Variants in PAM observed in about 807,000 individuals in gnomAD.
PAM encodes the protein peptidyl-glycine alpha-amidating monooxygenase.
A neutral mutation model predicts 122.1 loss-of-function variants in PAM; 72 were observed. That is an observed-to-expected ratio of 0.59 (90% CI 0.49 to 0.72). The LOEUF (loss-of-function observed/expected upper bound fraction) is 0.72. PAM is among the 30% of genes least tolerant of loss of function. PAM has a pLI of 0.00. For synonymous variants in PAM, 389 were observed against 404.4 expected (o/e 0.96, Z 0.46); for missense variants, 1,106 against 1,183.7 (o/e 0.93, Z 0.96).
At chr5:102,909,745 T>TA (rs990276597) in intron 4 of PAM, among the ~76,000 whole-genome samples, 2 of 151,822 alleles carry the variant, frequency 1.3e-5, no homozygotes, top group African/African-American at 4.8e-5. Flanking sequence ...TAATAACATG[T>TA]AAAAATACCC....
chr5:102,795,954 A>AT (rs939366412), intron 1 of PAM, among the ~76,000 whole-genome samples: 2 of 151,872 alleles, frequency 1.3e-5, no homozygotes, highest in African/African-American at 2.4e-5. Flanking sequence ...ACCATGAGTT[A>AT]TTTTTTTTAG....
At chr5:102,871,134 G>A (rs764344432) in intron 3 of PAM, among the ~76,000 whole-genome samples, 29 of 152,168 alleles carry the variant, frequency 1.9e-4, no homozygotes, top group Non-Finnish European at 3.1e-4. Context: ...TCTGGCCTCA[G>A]CTCTTGCAGT....
chr5:102,792,810 G>A (rs77747741), intron 1 of PAM, among the ~76,000 whole-genome samples: 1,635 of 152,272 alleles, frequency 0.011, 17 homozygotes, highest in African/African-American at 0.033. Flanking sequence ...AGTTATTATG[G>A]TGGTCTCTTA....
intron 1 of PAM, among the ~76,000 whole-genome samples, chr5:102,818,584 C>T (rs1273302594): frequency 6.6e-6 from 1 of 152,116 alleles, no homozygotes; most frequent in African/African-American, 2.4e-5. Flanking sequence ...TGTCTTTGCT[C>T]AGGATGTCCT....
At chr5:102,931,279 T>C (rs1751425152) in intron 7 of PAM, among the ~76,000 whole-genome samples, 1 of 152,170 alleles carries the variant, frequency 6.6e-6, no homozygotes, top group African/African-American at 2.4e-5. Flanking sequence ...CCAGTAGAAG[T>C]TTCCTAGTTA....
chr5:102,867,492 G>C (rs1274256463), intron 3 of PAM, 99 bp downstream of exon 3: 15 of 763,794 alleles, frequency 2.0e-5, no homozygotes, highest in African/African-American at 3.5e-5. Context: ...TTCTTTAAAC[G>C]TAGGCATTTG....
chr5:102,985,156 C>T (rs919245310), intron 15 of PAM, among the ~76,000 whole-genome samples: 2 of 151,574 alleles, frequency 1.3e-5, no homozygotes, highest in Non-Finnish European at 2.9e-5. Flanking sequence ...AGCAACTTAA[C>T]AATGCACTTC....
chr5:102,854,007 A>G (rs370826792), intron 1 of PAM, among the ~76,000 whole-genome samples: 3 of 152,202 alleles, frequency 2.0e-5, no homozygotes, highest in East Asian at 3.9e-4. Context: ...TACAGCCTCT[A>G]TCAAGTTGGT....
intron 3 of PAM, among the ~76,000 whole-genome samples, chr5:102,875,508 G>C (rs1273594820): frequency 1.3e-5 from 2 of 152,012 alleles, no homozygotes; most frequent in African/African-American, 4.8e-5. Flanking sequence ...CTAAATCCTT[G>C]AATAACTTTT....
At chr5:102,812,109 C>T (rs1768107306) in intron 1 of PAM, among the ~76,000 whole-genome samples, 1 of 152,166 alleles carries the variant, frequency 6.6e-6, no homozygotes, top group African/African-American at 2.4e-5. Context: ...TTGAATAACA[C>T]TGTCGTTTAT....
intron 23 of PAM, among the ~76,000 whole-genome samples, chr5:103,020,302 T>G (rs961774705): frequency 1.3e-5 from 2 of 152,166 alleles, no homozygotes; most frequent in Admixed American, 6.5e-5. Context: ...TTAGCTTCTA[T>G]CGTAGTACCA....
At chr5:102,958,759 T>A (rs1761603417) in intron 12 of PAM, among the ~76,000 whole-genome samples, 1 of 152,106 alleles carries the variant, frequency 6.6e-6, no homozygotes, top group African/African-American at 2.4e-5. Flanking sequence ...GTTTGAAAAA[T>A]ATTTTTATTT....
In PAM at chr5:102,865,844, G is replaced by A. The variant is rs1785385471; in HGVS notation, c.-352G>A. On this transcript the variant is annotated 5_prime_UTR_variant, in exon 2 of 26. Coordinates refer to ENST00000438793, the MANE Select transcript of PAM (RefSeq NM_001177306.2). ...GCAGGTTCTGAATGATGACTGACGC[G>A]GGTTTGGGTGATACCCCTCACAGCC... 1 of 244,940 alleles carries A rather than the reference G, an allele frequency of 4.1e-6. No individual in the cohort carries two copies. Among genetic ancestry groups the A allele is most frequent in the Admixed American group, 5.7e-5 (1 of 17,488 alleles). 15.2% of individuals were successfully genotyped at this position (244,940 alleles called of 1,614,324 possible). A position where few individuals can be genotyped will look rare whatever the true frequency, so the allele number is the denominator to read the frequency against.
chr5:102,942,070 C>CT (rs1755441815), intron 7 of PAM, among the ~76,000 whole-genome samples: 1 of 152,048 alleles, frequency 6.6e-6, no homozygotes, highest in East Asian at 1.9e-4. Context: ...ATAGAAATAT[C>CT]TTTTTAAAAA....
intron 4 of PAM, among the ~76,000 whole-genome samples, chr5:102,907,421 G>A (rs533294591): frequency 0.025 from 3,783 of 151,092 alleles, 156 homozygotes; most frequent in African/African-American, 0.087. Context: ...GAATAGTGCC[G>A]CAATAAACAT....
At chr5:102,883,637 A>G (rs1465311717) in intron 3 of PAM, among the ~76,000 whole-genome samples, 1 of 152,016 alleles carries the variant, frequency 6.6e-6, no homozygotes, top group African/African-American at 2.4e-5. Context: ...TTTTCTAAGT[A>G]TACGATCATT....
chr5:102,939,137 A>G (rs1754241279), intron 7 of PAM, among the ~76,000 whole-genome samples: 1 of 152,198 alleles, frequency 6.6e-6, no homozygotes, highest in Admixed American at 6.6e-5. Context: ...ATATGGACAG[A>G]ATATTCTATT....
intron 1 of PAM, among the ~76,000 whole-genome samples, chr5:102,808,417 G>A (rs1270323505): frequency 6.6e-6 from 1 of 151,992 alleles, no homozygotes; most frequent in African/African-American, 2.4e-5. Context: ...GGTGTGTGTG[G>A]GCAGGCACAT....
chr5:102,972,541 C>G (rs1409344514), intron 14 of PAM, among the ~76,000 whole-genome samples: 1 of 151,856 alleles, frequency 6.6e-6, no homozygotes, highest in African/African-American at 2.4e-5. Flanking sequence ...CTGGGCCTCC[C>G]AAAGTGCTGG....
Sources: allele counts gnomAD v4.1 joint callset (sites outside exome capture counted in the v4.1 genomes callset), GRCh38; gene constraint gnomAD v4.1.1; transcripts MANE v1.5; gene names NCBI Gene and HGNC (gene_info 2026-07-23, HGNC 2026-07-21).